The following FNIP2 variants were observed in gnomAD, a reference collection of about 807,000 sequenced individuals.
The protein encoded by FNIP2 is folliculin-interacting protein 2.
A neutral mutation model predicts 108.7 loss-of-function variants in FNIP2; 32 were observed. The observed-to-expected ratio is 0.29, with a 90% CI of 0.22 to 0.40. The LOEUF (loss-of-function observed/expected upper bound fraction) is 0.40, where lower values mean the gene tolerates loss of function less well. FNIP2 is among the 10% of genes least tolerant of loss of function. The probability of loss-of-function intolerance (pLI) is 1.00; values close to 1 mark genes in which losing one functional copy is unlikely to be tolerated. For synonymous variants in FNIP2, 480 were observed against 496.7 expected, an observed-to-expected ratio of 0.97 and a Z score of 0.45; for missense variants, 1,202 against 1,381.6, an observed-to-expected ratio of 0.87 and a Z score of 2.06.
rs987423887 is a variant in FNIP2 at position 158,905,441 on chromosome 4, C to G, written c.*897C>G. On this transcript the variant is annotated 3_prime_UTR_variant, in exon 17 of 17. Coordinates refer to ENST00000264433, the MANE Select transcript of FNIP2 (RefSeq NM_020840.3). ...TTCTTCCAGCTGAAGCCACTTTTTC[C>G]TTATAGTTAATACAAATGACTATTT... 3.3e-5 allele frequency: 5 copies of G among 152,212 alleles called. No individual in the cohort carries two copies. Among genetic ancestry groups the G allele is most frequent in the African/African-American group, 1.2e-4 (5 of 41,548 alleles). 9.4% of individuals were successfully genotyped at this position (152,212 alleles called of 1,614,324 possible). A position where few individuals can be genotyped will look rare whatever the true frequency, so the allele number is the denominator to read the frequency against.
chr4:158,870,793 T>G (rs1780901478), intron 14 of FNIP2, among the ~76,000 whole-genome samples: 1 of 152,244 alleles, frequency 6.6e-6, no homozygotes, highest in Non-Finnish European at 1.5e-5. Flanking sequence ...TCCCATTCTC[T>G]GGTCTCTTTC....
At chr4:158,899,427 G>A (rs1385380947) in intron 16 of FNIP2, among the ~76,000 whole-genome samples, 1 of 152,180 alleles carries the variant, frequency 6.6e-6, no homozygotes, top group African/African-American at 2.4e-5. Flanking sequence ...CAGAAGGAAT[G>A]GTACCAGCTC....
At chr4:158,871,995 CTG>C (rs1417721442) in intron 14 of FNIP2, 2 of 984,952 alleles carry the variant, frequency 2.0e-6, no homozygotes, top group Admixed American at 1.2e-4. Flanking sequence ...ACATGCCAAA[CTG>C]TGAGTTGTTT....
chr4:158,796,021 C>T (rs1776580026), intron 1 of FNIP2: 1 of 111,096 alleles, frequency 9.0e-6, no homozygotes, highest in South Asian at 2.9e-4. Flanking sequence ...ACTGTTGTTC[C>T]AAGGTATAGC....
chr4:158,769,152 C>A lies in FNIP2; in HGVS notation c.-61C>A, dbSNP rs930000025. The stretch of plus-strand genomic sequence containing the variant: ...GCCCCGCCACCGCGGCCGCCGCCCC[C>A]GGCTGCGCGCTGAGCCGCCGGCCCC... On this transcript the variant is annotated 5_prime_UTR_variant, in exon 1 of 17. Coordinates refer to ENST00000264433, the MANE Select transcript of FNIP2 (RefSeq NM_020840.3). The A allele has an allele frequency of 4.2e-5, 35 of 842,630 alleles. No individual in the cohort carries two copies. The highest frequency in any genetic ancestry group is 5.0e-5 in the Non-Finnish European group (35 of 698,206). 52.2% of individuals were successfully genotyped at this position (842,630 alleles called of 1,614,324 possible).
chr4:158,821,207 A>G (rs552109746), intron 1 of FNIP2, among the ~76,000 whole-genome samples: 104 of 152,370 alleles, frequency 6.8e-4, no homozygotes, highest in African/African-American at 2.0e-3. Flanking sequence ...TTACAATAAG[A>G]AAAGGTAGAC....
intron 4 of FNIP2, 26 bp downstream of exon 4, chr4:158,831,987 A>G: frequency 3.8e-6 from 6 of 1,599,936 alleles, no homozygotes; most frequent in Non-Finnish European, 5.1e-6. Flanking sequence ...CTTTTCTACT[A>G]GTTTTGAGAA....
chr4:158,881,339 C>T (rs965222961), intron 14 of FNIP2, among the ~76,000 whole-genome samples: 1 of 147,922 alleles, frequency 6.8e-6, no homozygotes, highest in Non-Finnish European at 1.5e-5. Flanking sequence ...CTCCCTCTCC[C>T]TCTCTTTCCA....
chr4:158,895,587 T>C (rs961793651), intron 15 of FNIP2, among the ~76,000 whole-genome samples, 163 bp from the exon 16 acceptor site: 1 of 152,236 alleles, frequency 6.6e-6, no homozygotes, highest in Non-Finnish European at 1.5e-5. Flanking sequence ...TTCTTATACC[T>C]GGTAGTGGTA....
intron 12 of FNIP2, among the ~76,000 whole-genome samples, chr4:158,866,968 A>G (rs978213271): frequency 6.6e-6 from 1 of 152,174 alleles, no homozygotes; most frequent in African/African-American, 2.4e-5. Flanking sequence ...TCAAATGTGT[A>G]ACTTATTATA....
intron 8 of FNIP2, among the ~76,000 whole-genome samples, chr4:158,852,481 C>G (rs1055360037): frequency 7.2e-5 from 11 of 152,306 alleles, no homozygotes; most frequent in African/African-American, 1.4e-4. Flanking sequence ...TGTGTGAACA[C>G]AAGTCCTAGC....
intron 1 of FNIP2, among the ~76,000 whole-genome samples, chr4:158,820,799 CCTT>C (rs1560776400): frequency 1.3e-5 from 2 of 152,162 alleles, no homozygotes; most frequent in Non-Finnish European, 2.9e-5. Flanking sequence ...AAAATTTTCT[CCTT>C]CTTAGGAGGA....
At chr4:158,891,136 T>A (rs973030312) in intron 14 of FNIP2, among the ~76,000 whole-genome samples, 2 of 152,178 alleles carry the variant, frequency 1.3e-5, no homozygotes, top group Non-Finnish European at 2.9e-5. Flanking sequence ...AATGTGCATA[T>A]GTGCATTGGC....
chr4:158,776,341 A>G (rs146757114), intron 1 of FNIP2, among the ~76,000 whole-genome samples: 1 of 152,236 alleles, frequency 6.6e-6, no homozygotes, highest in Non-Finnish European at 1.5e-5. Flanking sequence ...TCCTCAAGAG[A>G]TGAAACAGGT....
At chr4:158,770,548 T>C (rs925015440) in intron 1 of FNIP2, among the ~76,000 whole-genome samples, 23 of 152,152 alleles carry the variant, frequency 1.5e-4, no homozygotes, top group African/African-American at 5.6e-4. Flanking sequence ...ATGTGAAAAT[T>C]AAACGTGTGT....
chr4:158,775,438 A>G (rs894055228), intron 1 of FNIP2, among the ~76,000 whole-genome samples: 3 of 152,332 alleles, frequency 2.0e-5, no homozygotes, highest in Admixed American at 6.5e-5. Flanking sequence ...AAGGAAAAAC[A>G]GGATGGACTT....
intron 1 of FNIP2, among the ~76,000 whole-genome samples, chr4:158,819,780 C>T (rs1198000254): frequency 6.6e-6 from 1 of 152,266 alleles, no homozygotes; most frequent in Admixed American, 6.5e-5. Context: ...TTTCTTCCAC[C>T]CCCAGTCTTC....
intron 14 of FNIP2, chr4:158,871,960 G>A: frequency 1.0e-6 from 1 of 984,282 alleles, no homozygotes; most frequent in Middle Eastern, 5.2e-4. Flanking sequence ...CACCTTTTCT[G>A]TCCGCTCCTA....
chr4:158,861,813 G>A, intron 12 of FNIP2, 37 bp downstream of exon 12: 1 of 1,603,122 alleles, frequency 6.2e-7, no homozygotes, highest in Non-Finnish European at 8.5e-7. Context: ...GAATATATGG[G>A]ATGGAATAGG....
Sources: gnomAD v4.1 joint callset for allele counts (sites outside exome capture counted in the v4.1 genomes callset) on GRCh38, gnomAD v4.1.1 for gene constraint, MANE v1.5 for transcripts, NCBI Gene and HGNC (gene_info 2026-07-23, HGNC 2026-07-21) for gene names.